BMPR2: variants seen among roughly 807,000 people sequenced by gnomAD.
The protein encoded by BMPR2 is bone morphogenetic protein receptor type-2.
Under a neutral mutation model 100.8 loss-of-function variants are expected in BMPR2, and 29 were observed. The observed-to-expected ratio is 0.29, with a 90% CI of 0.21 to 0.39. BMPR2 has a LOEUF of 0.39. Ranked by LOEUF, BMPR2 falls within the 10% of genes least tolerant of loss-of-function variation. BMPR2 has a pLI of 1.00. For synonymous variants in BMPR2, 382 were observed against 442.3 expected, an observed-to-expected ratio of 0.86 and a Z score of 1.71; for missense variants, 1,011 against 1,274.5, an observed-to-expected ratio of 0.79 and a Z score of 3.15.
intron 1 of BMPR2, among the ~76,000 whole-genome samples, chr2:202,380,947 C>T (rs1574417640): frequency 8.8e-6 from 1 of 114,210 alleles, no homozygotes; most frequent in Non-Finnish European, 1.8e-5. Context: ...CTGGCCCTGG[C>T]CCTGGATTTC....
At chr2:202,497,796 T>C (rs906767065) in intron 3 of BMPR2, among the ~76,000 whole-genome samples, 6 of 152,072 alleles carry the variant, frequency 3.9e-5, no homozygotes, top group Non-Finnish European at 7.4e-5. Flanking sequence ...CTGTCTCTGG[T>C]GCTTTTCTAG....
At chr2:202,394,185 A>G (rs185345813) in intron 1 of BMPR2, among the ~76,000 whole-genome samples, 1 of 152,120 alleles carries the variant, frequency 6.6e-6, no homozygotes, top group East Asian at 1.9e-4. Context: ...CCCTTTCTCT[A>G]CTGAAAATAC....
chr2:202,447,868 T>C (rs1691883156), intron 1 of BMPR2, among the ~76,000 whole-genome samples: 1 of 150,570 alleles, frequency 6.6e-6, no homozygotes, highest in Non-Finnish European at 1.5e-5. Flanking sequence ...TAGAAAATTA[T>C]GTAGGTTAAG....
At chr2:202,380,035 T>C (rs945823586) in intron 1 of BMPR2, among the ~76,000 whole-genome samples, 6 of 152,038 alleles carry the variant, frequency 3.9e-5, no homozygotes, top group African/African-American at 1.5e-4. Context: ...TTTATTTTTA[T>C]TTTTTGTATT....
intron 7 of BMPR2, among the ~76,000 whole-genome samples, chr2:202,526,367 T>C (rs528301396): frequency 3.3e-5 from 5 of 152,356 alleles, no homozygotes; most frequent in East Asian, 3.9e-4. Flanking sequence ...AGAACTTTAA[T>C]ATATCAGTTT....
chr2:202,396,812 G>A (rs545063863), intron 1 of BMPR2, among the ~76,000 whole-genome samples: 4 of 150,368 alleles, frequency 2.7e-5, no homozygotes, highest in African/African-American at 4.9e-5. Context: ...TTTTTGAAAC[G>A]GAGTTTCGGA....
chr2:202,387,571 C>T (rs1453525281), intron 1 of BMPR2, among the ~76,000 whole-genome samples: 3 of 152,148 alleles, frequency 2.0e-5, no homozygotes, highest in Non-Finnish European at 2.9e-5. Flanking sequence ...GAATAATTGT[C>T]CAGATTGAAC....
intron 7 of BMPR2, 181 bp downstream of exon 7, chr2:202,520,382 C>T (rs1687799727): frequency 1.6e-6 from 1 of 626,342 alleles, no homozygotes; most frequent in Admixed American, 2.6e-5. Flanking sequence ...CTTTCCCACG[C>T]AGCTGCCAAG....
intron 1 of BMPR2, among the ~76,000 whole-genome samples, chr2:202,459,343 ATTTAACT>A (rs2105955149): frequency 6.6e-6 from 1 of 152,334 alleles, no homozygotes; most frequent in Admixed American, 6.5e-5. Context: ...TTTTCTTTAC[ATTTAACT>A]TTTAAGTTCA....
chr2:202,416,417 C>T (rs920808424), intron 1 of BMPR2, among the ~76,000 whole-genome samples: 1 of 149,380 alleles, frequency 6.7e-6, no homozygotes, highest in Non-Finnish European at 1.5e-5. Flanking sequence ...TGCACTACCA[C>T]ACCTGGATAA....
rs139145109 is a variant in BMPR2, at chr2:202,480,770, G to A, written c.418+13081G>A. ...AGATCAAGACCATCCTGGCTGACAC[G>A]GTGAAACCCCATCTCTACTAAAAGA... On this transcript the variant is annotated intron_variant, in intron 3 of 12. Transcript: ENST00000374580. Among the ~76,000 whole-genome samples, 918 of 151,566 alleles carry A rather than the reference G, an allele frequency of 6.1e-3. 17 individuals are homozygous for A. Among genetic ancestry groups the A allele is most frequent in the African/African-American group, 0.021 (867 of 41,328 alleles).
chr2:202,491,208 C>G (rs2105981870), intron 3 of BMPR2, among the ~76,000 whole-genome samples: 1 of 152,272 alleles, frequency 6.6e-6, no homozygotes, highest in East Asian at 1.9e-4. Context: ...ACAGATGCGC[C>G]ACTACACCCG....
In BMPR2 at chr2:202,440,802, G is replaced by A. The variant is rs184544591; in HGVS notation, c.77-24007G>A. Among the ~76,000 whole-genome samples, 354 of 150,432 alleles carry A rather than the reference G, an allele frequency of 2.4e-3. 7 individuals are homozygous for A. Among genetic ancestry groups the A allele is most frequent in the Non-Finnish European group, 3.6e-3 (245 of 68,004 alleles). Reference sequence around the variant, plus strand: ...GGAGACCGGGGAGACCGGGGAGACCGGGGAGACTGGGGAGAGGGAGAGGGA... The same window carrying A: ...GGAGACCGGGGAGACCGGGGAGACCAGGGAGACTGGGGAGAGGGAGAGGGA... On this transcript the variant is annotated intron_variant, in intron 1 of 12. Transcript: ENST00000374580.
rs1687443642 is a variant in BMPR2, at chr2:202,503,355, C to A, written c.419-10364C>A. On this transcript the variant is annotated intron_variant, in intron 3 of 12. Transcript: ENST00000374580. This position sits in a 1 kb window ranked among gnomAD's most constrained non-coding sequence, Gnocchi z 4.0. ...CTGGGCTGGCCAAGGCCGGAGCCCA[C>A]TCCCTCAGCTTGCAGGGAGGTGTGG... Among the ~76,000 whole-genome samples the A allele has an allele frequency of 6.6e-6, 1 of 152,240 alleles. No individual in the cohort carries two copies. Among genetic ancestry groups the A allele is most frequent in the Admixed American group, 6.5e-5 (1 of 15,294 alleles).
At chr2:202,383,535 C>T (rs567192408) in intron 1 of BMPR2, among the ~76,000 whole-genome samples, 5 of 152,030 alleles carry the variant, frequency 3.3e-5, no homozygotes, top group Admixed American at 6.6e-5. Flanking sequence ...ACAAAATTAG[C>T]CGGGTGTGGT....
At chr2:202,437,328 A>C (rs1194735265) in intron 1 of BMPR2, among the ~76,000 whole-genome samples, 1 of 150,768 alleles carries the variant, frequency 6.6e-6, no homozygotes, top group Non-Finnish European at 1.5e-5. Flanking sequence ...TTACCTCTTT[A>C]GGAATTTCAA....
chr2:202,508,048 T>C (rs998036125), intron 3 of BMPR2, among the ~76,000 whole-genome samples: 3 of 148,540 alleles, frequency 2.0e-5, no homozygotes, highest in African/African-American at 7.4e-5. Flanking sequence ...TTTTATCTTA[T>C]CTAAAAAGCT....
At chr2:202,520,354 G>C (rs879719478) in intron 7 of BMPR2, 153 bp downstream of exon 7, 4 of 686,250 alleles carry the variant, frequency 5.8e-6, no homozygotes, top group South Asian at 3.6e-5. Context: ...AAATGCATTT[G>C]AAATGTAACA....
At chr2:202,477,072 C>T (rs1692565891) in intron 3 of BMPR2, among the ~76,000 whole-genome samples, 1 of 152,014 alleles carries the variant, frequency 6.6e-6, no homozygotes, top group South Asian at 2.1e-4. Context: ...GGTTAAAAAC[C>T]TTGCTGTTAA....
Sources: allele counts gnomAD v4.1 joint callset (sites outside exome capture counted in the v4.1 genomes callset), GRCh38; gene constraint gnomAD v4.1.1; non-coding constraint Gnocchi (gnomAD v3.1); transcripts MANE v1.5; gene names NCBI Gene and HGNC (gene_info 2026-07-23, HGNC 2026-07-21).